Variants in PCSK5 observed in about 807,000 individuals in gnomAD.
PCSK5 encodes the protein proprotein convertase subtilisin/kexin type 5, also known as prohormone convertase 5.
PCSK5 carries 129 observed loss-of-function variants against 233.2 expected under a neutral mutation model. The observed-to-expected ratio is 0.55, with a 90% CI of 0.48 to 0.64. The LOEUF (loss-of-function observed/expected upper bound fraction) is 0.64, where lower values mean the gene tolerates loss of function less well. Among genes scored for constraint, PCSK5 ranks in the 30% least tolerant of loss-of-function variants. The pLI is 0.00. For synonymous variants in PCSK5, 825 were observed against 879.2 expected, an observed-to-expected ratio of 0.94 and a Z score of 1.09; for missense variants, 2,076 against 2,430.1, an observed-to-expected ratio of 0.85 and a Z score of 3.06.
At chr9:75,898,630 T>C (rs1825904220) in intron 1 of PCSK5, among the ~76,000 whole-genome samples, 1 of 150,564 alleles carries the variant, frequency 6.6e-6, no homozygotes, top group South Asian at 2.1e-4. Flanking sequence ...TGGGATGCTG[T>C]TACTAGAATA....
chr9:75,914,546 C>A (rs1822897285), intron 1 of PCSK5, among the ~76,000 whole-genome samples: 1 of 152,018 alleles, frequency 6.6e-6, no homozygotes, highest in Admixed American at 6.6e-5. Context: ...GCAAGAATGT[C>A]ACCTGGCCCC....
chr9:76,001,009 C>T (rs1827237357), intron 3 of PCSK5, among the ~76,000 whole-genome samples: 1 of 151,768 alleles, frequency 6.6e-6, no homozygotes, highest in African/African-American at 2.4e-5. Flanking sequence ...TTTCAGTGAG[C>T]AGAGTTGAGC....
intron 20 of PCSK5, among the ~76,000 whole-genome samples, chr9:76,215,193 C>T (rs953742188): frequency 1.3e-5 from 2 of 152,188 alleles, no homozygotes; most frequent in African/African-American, 4.8e-5. Context: ...TGGCCTTCCC[C>T]AGGAAAATTT....
At position 75,890,951 on chromosome 9, in the gene PCSK5, G is replaced by C; in HGVS notation, c.-231G>C. ...GCATCGCCGAGCGCCCCACGGGCCG[G>C]AGAGCTGGGAGCACAGGTCCCGGCA... On this transcript the variant is annotated 5_prime_UTR_variant, in exon 1 of 38. Transcript: ENST00000674117. 2.6e-6 allele frequency: 1 copy of C among 391,484 alleles called. No individual in the cohort carries two copies. Among genetic ancestry groups the C allele is most frequent in the Non-Finnish European group, 4.5e-6 (1 of 222,142 alleles). 24.3% of individuals were successfully genotyped at this position (391,484 alleles called of 1,614,324 possible). A position where few individuals can be genotyped will look rare whatever the true frequency, so the allele number is the denominator to read the frequency against.
intron 5 of PCSK5, among the ~76,000 whole-genome samples, chr9:76,051,576 T>C (rs1425135607): frequency 6.6e-6 from 1 of 152,056 alleles, no homozygotes; most frequent in Non-Finnish European, 1.5e-5. Flanking sequence ...GTAATACTTA[T>C]CTCAGTAGAG....
rs182498199 is a variant in PCSK5 at position 76,027,483 on chromosome 9, T to C, written c.632+446T>C. On this transcript the variant is annotated intron_variant, in intron 5 of 37. Transcript: ENST00000674117. ...TTCGCTCCTCTCTCCTCTGTAGTTA[T>C]TGTGTTTTTCACTAATATACCTGAA... is the stretch of plus-strand genomic sequence containing the variant. Among the ~76,000 whole-genome samples, 70 of 152,298 alleles carry C rather than the reference T, an allele frequency of 4.6e-4. No individual in the cohort carries two copies. The East Asian group carries it at 0.01, about 23-fold the overall frequency.
At chr9:76,039,110 G>T (rs1420656103) in intron 5 of PCSK5, among the ~76,000 whole-genome samples, 1 of 152,144 alleles carries the variant, frequency 6.6e-6, no homozygotes, top group Non-Finnish European at 1.5e-5. Flanking sequence ...TTATATTTCT[G>T]TTCTTGTATA....
chr9:76,223,898 G>GCT (rs1469558683), intron 20 of PCSK5, among the ~76,000 whole-genome samples: 5 of 152,286 alleles, frequency 3.3e-5, no homozygotes, highest in African/African-American at 1.2e-4. Context: ...CTTGGAATCT[G>GCT]GTTTCTTCAG....
chr9:76,085,498 T>C (rs758531228), intron 7 of PCSK5, among the ~76,000 whole-genome samples: 72 of 152,326 alleles, frequency 4.7e-4, no homozygotes, highest in Non-Finnish European at 1.0e-3. Flanking sequence ...AGTCCTGCAA[T>C]GGGTTTCTTT....
chr9:76,046,174 T>TTTTTTG (rs1829375949), intron 5 of PCSK5, among the ~76,000 whole-genome samples: 2 of 109,704 alleles, frequency 1.8e-5, no homozygotes, highest in Non-Finnish European at 3.8e-5. Context: ...TTTTTTTTTT[T>TTTTTTG]TTTTTTTTTT....
At chr9:75,993,943 G>T (rs1826884083) in intron 3 of PCSK5, among the ~76,000 whole-genome samples, 1 of 152,166 alleles carries the variant, frequency 6.6e-6, no homozygotes, top group Non-Finnish European at 1.5e-5. Flanking sequence ...CAGAAGAAAA[G>T]CAGGTGTTCA....
chr9:76,130,813 A>G (rs1038795245), intron 9 of PCSK5, among the ~76,000 whole-genome samples: 1 of 152,114 alleles, frequency 6.6e-6, no homozygotes, highest in African/African-American at 2.4e-5. Context: ...CCAGGAAGAA[A>G]TTTGAGGGGT....
intron 17 of PCSK5, among the ~76,000 whole-genome samples, chr9:76,185,845 G>A (rs1824078945): frequency 6.6e-6 from 1 of 152,082 alleles, no homozygotes. Flanking sequence ...AATAATCCCT[G>A]TTTTGCTGGA....
At position 75,987,034 on chromosome 9, in the gene PCSK5, T is replaced by C. The variant is rs182708804; in HGVS notation, c.411+789T>C. Among the ~76,000 whole-genome samples, 227 of 152,318 alleles carry C rather than the reference T, an allele frequency of 1.5e-3. 2 individuals are homozygous for C. Among genetic ancestry groups the C allele is most frequent in the Non-Finnish European group, 2.7e-3 (181 of 68,032 alleles). On this transcript the variant is annotated intron_variant, in intron 3 of 37. Coordinates refer to ENST00000674117, the MANE Select transcript of PCSK5 (RefSeq NM_001372043.1). Reference sequence around the variant, plus strand: ...TTTCTTGAAAGTTTTTATTGCTAAATTTTGCCAGTATATTATTCACTATAC... The same window carrying C: ...TTTCTTGAAAGTTTTTATTGCTAAACTTTGCCAGTATATTATTCACTATAC...
intron 1 of PCSK5, among the ~76,000 whole-genome samples, chr9:75,898,575 A>G (rs1825902248): frequency 6.6e-6 from 1 of 151,502 alleles, no homozygotes; most frequent in African/African-American, 2.4e-5. Flanking sequence ...TTGACCTTTG[A>G]TGGGCAGTCC....
At position 76,320,465 on chromosome 9, in the gene PCSK5, C is replaced by CTTCTT. The variant is rs1554720984; in HGVS notation, c.3885-955_3885-954insCTTTT. 2.0e-3 allele frequency among the ~76,000 whole-genome samples: 207 copies of CTTCTT among 101,990 alleles called. 2 individuals carry two copies. Among genetic ancestry groups the CTTCTT allele is most frequent in the African/African-American group, 5.3e-3 (137 of 25,888 alleles). 66.9% of individuals were successfully genotyped at this position (101,990 alleles called of 152,430 possible). Reference sequence around the variant, plus strand: ...AAGAAAAAAAAAAAGTACATTGTAGCTTTTTTTTTTTTTTTTTTTTTGAGA... The same window carrying CTTCTT: ...AAGAAAAAAAAAAAGTACATTGTAGCTTCTTTTTTTTTTTTTTTTTTTTTTTGAGA... On this transcript the variant is annotated intron_variant, in intron 30 of 37. Transcript: ENST00000674117.
intron 2 of PCSK5, among the ~76,000 whole-genome samples, chr9:75,961,275 C>A (rs1444639906): frequency 6.6e-6 from 1 of 152,190 alleles, no homozygotes; most frequent in Non-Finnish European, 1.5e-5. Context: ...TCACTTGCTA[C>A]AAAGTGATTT....
chr9:76,330,242 T>G (rs568722552), intron 33 of PCSK5, among the ~76,000 whole-genome samples: 272 of 152,250 alleles, frequency 1.8e-3, no homozygotes, highest in Non-Finnish European at 3.6e-3. Flanking sequence ...GAGTTGAAGG[T>G]TATTGCTAAT....
intron 5 of PCSK5, among the ~76,000 whole-genome samples, chr9:76,029,156 G>A (rs1264553242): frequency 1.3e-5 from 2 of 152,078 alleles, no homozygotes; most frequent in Admixed American, 6.6e-5. Context: ...CATACTTAAC[G>A]CAGGCCAGGC....
Sources: gnomAD v4.1 joint callset for allele counts (sites outside exome capture counted in the v4.1 genomes callset) on GRCh38, gnomAD v4.1.1 for gene constraint, MANE v1.5 for transcripts, NCBI Gene and HGNC (gene_info 2026-07-23, HGNC 2026-07-21) for gene names.